PAK1: variants seen among roughly 807,000 people sequenced by gnomAD.
PAK1 encodes serine/threonine-protein kinase PAK 1.
A neutral mutation model predicts 67.4 loss-of-function variants in PAK1; 29 were observed. The observed-to-expected ratio is 0.43, with a 90% confidence interval of 0.32 to 0.59. The LOEUF (loss-of-function observed/expected upper bound fraction) is 0.59, where lower values mean the gene tolerates loss of function less well. Among genes scored for constraint, PAK1 ranks in the 20% least tolerant of loss-of-function variants. The probability of loss-of-function intolerance (pLI) is 0.07; values close to 1 mark genes in which losing one functional copy is unlikely to be tolerated. For missense variants in PAK1, 337 were observed against 670.7 expected (o/e 0.50, Z 5.50); for synonymous variants, 223 against 237.4 (o/e 0.94, Z 0.56).
intron 1 of PAK1, among the ~76,000 whole-genome samples, chr11:77,471,903 G>A (rs1281994688): frequency 3.3e-5 from 5 of 152,234 alleles, no homozygotes; most frequent in East Asian, 3.9e-4. Flanking sequence ...GGATGAGGCA[G>A]GTCACCTTCC....
At chr11:77,365,189 T>C (rs1268844803) in intron 5 of PAK1, among the ~76,000 whole-genome samples, 3 of 146,774 alleles carry the variant, frequency 2.0e-5, no homozygotes, top group South Asian at 2.1e-4. Context: ...GAGGCAGAGG[T>C]TGCAGTGAGC....
the PAK1 span, among the ~76,000 whole-genome samples, chr11:77,494,048 C>T: frequency 1.1e-4 from 17 of 152,146 alleles, no homozygotes; most frequent in East Asian, 1.9e-4. Context: ...ATAAATTTAT[C>T]GGAAGGTACT....
chr11:77,462,846 A>G (rs1181448255), intron 1 of PAK1, among the ~76,000 whole-genome samples: 2 of 150,546 alleles, frequency 1.3e-5, no homozygotes, highest in East Asian at 3.9e-4. Flanking sequence ...AAAAAAAAAA[A>G]GTCATGTGTC....
At chr11:77,516,472 T>C in the PAK1 span, among the ~76,000 whole-genome samples, 7 of 152,300 alleles carry the variant, frequency 4.6e-5, no homozygotes, top group Non-Finnish European at 8.8e-5. Context: ...AGTTAGTATA[T>C]GTAAAATGTT....
chr11:77,408,696 A>T (rs2511492), intron 1 of PAK1, among the ~76,000 whole-genome samples: 1 of 152,216 alleles, frequency 6.6e-6, no homozygotes, highest in Non-Finnish European at 1.5e-5. Context: ...AAGTGGAGAC[A>T]ACCCACAAAA....
At chr11:77,421,544 C>T (rs1955263713) in intron 1 of PAK1, among the ~76,000 whole-genome samples, 2 of 152,172 alleles carry the variant, frequency 1.3e-5, no homozygotes, top group Admixed American at 1.3e-4. Context: ...TCCACAAAGG[C>T]AAAGACTTTG....
At chr11:77,509,199 C>A in the PAK1 span, among the ~76,000 whole-genome samples, 11 of 151,186 alleles carry the variant, frequency 7.3e-5, no homozygotes, top group South Asian at 4.2e-4. Flanking sequence ...CGGAGCTTGC[C>A]GTGAGCCAAG....
chr11:77,336,049 AG>A (rs1942641598), intron 13 of PAK1, 36 bp downstream of exon 13: 1 of 1,366,820 alleles, frequency 7.3e-7, no homozygotes, highest in Non-Finnish European at 1.0e-6. Context: ...TAGAGACAAC[AG>A]CCCAAATAAC....
chr11:77,460,915 G>A (rs894548537), intron 1 of PAK1, among the ~76,000 whole-genome samples: 1 of 152,106 alleles, frequency 6.6e-6, no homozygotes, highest in Non-Finnish European at 1.5e-5. Flanking sequence ...GAGAATAAGA[G>A]TAAAACTGAA....
the PAK1 span, among the ~76,000 whole-genome samples, chr11:77,493,445 ATTTT>A: frequency 1.3e-4 from 9 of 70,944 alleles, no homozygotes; most frequent in Non-Finnish European, 2.0e-4. Flanking sequence ...TGCCCAGCTA[ATTTT>A]TTTTTTTTTT....
the PAK1 span, among the ~76,000 whole-genome samples, chr11:77,511,547 A>G: frequency 2.0e-5 from 3 of 152,180 alleles, no homozygotes; most frequent in East Asian, 3.9e-4. Flanking sequence ...CCATGCTCAC[A>G]GCTCAGAAAA....
the PAK1 span, among the ~76,000 whole-genome samples, chr11:77,500,458 C>T: frequency 6.6e-6 from 1 of 152,022 alleles, no homozygotes; most frequent in East Asian, 1.9e-4. Flanking sequence ...CAGAGTGAGA[C>T]TCCACCTCAA....
At chr11:77,467,237 GC>G (rs1957641316) in intron 1 of PAK1, among the ~76,000 whole-genome samples, 1 of 152,104 alleles carries the variant, frequency 6.6e-6, no homozygotes, top group Admixed American at 6.6e-5. Flanking sequence ...CTTTAAGAAT[GC>G]TTGCCAGGCC....
At chr11:77,454,875 C>T (rs547421080) in intron 1 of PAK1, among the ~76,000 whole-genome samples, 51 of 152,258 alleles carry the variant, frequency 3.3e-4, no homozygotes, top group African/African-American at 1.2e-3. Context: ...TGGCATGTCC[C>T]TAGAAATTCT....
intron 14 of PAK1, chr11:77,329,268 T>A (rs1320831713): frequency 6.6e-6 from 1 of 152,208 alleles, no homozygotes; most frequent in East Asian, 1.9e-4. Context: ...GAGGGAATCC[T>A]CCCTAACTCA....
chr11:77,396,003 G>C (rs545210150), intron 1 of PAK1, among the ~76,000 whole-genome samples: 1 of 152,198 alleles, frequency 6.6e-6, no homozygotes, highest in South Asian at 2.1e-4. Context: ...TGATACCCTA[G>C]TCAAGTCCTT....
At chr11:77,382,772 C>A (rs573467364) in intron 2 of PAK1, among the ~76,000 whole-genome samples, 1 of 152,016 alleles carries the variant, frequency 6.6e-6, no homozygotes, top group Non-Finnish European at 1.5e-5. Flanking sequence ...CTGAAGCAGG[C>A]GGATCACTTG....
chr11:77,370,600 A>G lies in PAK1; in HGVS notation c.477+3728T>C, dbSNP rs1948298236. On this transcript the variant is annotated intron_variant, in intron 5 of 14. Transcript: ENST00000356341. ...GGCATCTTCTCTTACACATACTTTA[A>G]GCTGTGGCTTCTTCTGCTCTGATCA... Among the ~76,000 whole-genome samples, 3 of 152,236 alleles carry G rather than the reference A, an allele frequency of 2.0e-5. No individual in the cohort carries two copies. The South Asian group carries it at 6.2e-4, about 32-fold the overall frequency.
At chr11:77,445,748 T>A (rs992852978) in intron 1 of PAK1, among the ~76,000 whole-genome samples, 1 of 152,250 alleles carries the variant, frequency 6.6e-6, no homozygotes, top group African/African-American at 2.4e-5. Context: ...TATAGAATCA[T>A]GGACTGTTTG....
Sources: gnomAD v4.1 joint callset for allele counts (sites outside exome capture counted in the v4.1 genomes callset) on GRCh38, gnomAD v4.1.1 for gene constraint, MANE v1.5 for transcripts, NCBI Gene and HGNC (gene_info 2026-07-23, HGNC 2026-07-21) for gene names.